Variants in SLC28A3 observed in about 807,000 individuals in gnomAD.
SLC28A3 encodes concentrative Na(+)-nucleoside cotransporter 3.
A neutral mutation model predicts 84.2 loss-of-function variants in SLC28A3; 68 were observed. The ratio of observed to expected loss-of-function variants is 0.81; its 90% confidence interval spans 0.66 to 0.99. The LOEUF is 0.99. Among genes scored for constraint, SLC28A3 ranks in the 50% least tolerant of loss-of-function variants. The pLI is 0.00. For missense variants in SLC28A3, 712 were observed against 841.5 expected, an observed-to-expected ratio of 0.85 and a Z score of 1.90; for synonymous variants, 267 against 303.6, an observed-to-expected ratio of 0.88 and a Z score of 1.25.
intron 12 of SLC28A3, 103 bp from the exon 13 acceptor site, chr9:84,286,214 T>G: frequency 8.9e-7 from 1 of 1,124,144 alleles, no homozygotes; most frequent in East Asian, 2.5e-5. Context: ...AGAGACAAAC[T>G]CTAAGGCCCC....
chr9:84,280,800 C>T lies in SLC28A3; in HGVS notation c.1729+1G>A, dbSNP rs747756033. The T allele has an allele frequency of 6.2e-7, 1 of 1,614,018 alleles. No individual in the cohort carries two copies. On this transcript the variant is annotated splice_donor_variant, in intron 15 of 17. Coordinates refer to ENST00000376238, the MANE Select transcript of SLC28A3 (RefSeq NM_001199633.2). LOFTEE classifies it high-confidence loss of function. ...TGTTGAAGAATGTTCTTTTCACTTA[C>T]TGAGTCCGCCGATCACGATTCCTAG...
chr9:84,366,921 G>T, the SLC28A3 span, among the ~76,000 whole-genome samples: 127 of 152,270 alleles, frequency 8.3e-4, no homozygotes, highest in African/African-American at 2.9e-3. Context: ...AGGCCCTGGG[G>T]CTCTACAGTC....
chr9:84,358,598 T>C, the SLC28A3 span, among the ~76,000 whole-genome samples: 49 of 152,336 alleles, frequency 3.2e-4, no homozygotes, highest in African/African-American at 1.1e-3. Context: ...GCATTTACTA[T>C]AGACTTAATT....
intron 3 of SLC28A3, among the ~76,000 whole-genome samples, chr9:84,306,744 C>T (rs1266892348): frequency 3.3e-5 from 5 of 152,008 alleles, no homozygotes; most frequent in African/African-American, 9.7e-5. Context: ...GTTCAACAGA[C>T]ATGTATTGAT....
the SLC28A3 span, among the ~76,000 whole-genome samples, chr9:84,360,089 C>G: frequency 1.3e-5 from 2 of 151,196 alleles, no homozygotes; most frequent in African/African-American, 2.4e-5. Context: ...TGGGAAGGAA[C>G]CTTGAACCTG....
intron 1 of SLC28A3, among the ~76,000 whole-genome samples, chr9:84,334,724 C>A (rs961035703): frequency 6.6e-6 from 1 of 151,684 alleles, no homozygotes; most frequent in Non-Finnish European, 1.5e-5. Flanking sequence ...CACCACTGCA[C>A]CAGAAGAGCG....
intron 2 of SLC28A3, among the ~76,000 whole-genome samples, chr9:84,311,334 TAG>T (rs1825980283): frequency 6.6e-6 from 1 of 152,152 alleles, no homozygotes; most frequent in African/African-American, 2.4e-5. Flanking sequence ...GCTGAAACTA[TAG>T]AGATTTTTCA....
the SLC28A3 span, among the ~76,000 whole-genome samples, chr9:84,357,669 A>C: frequency 2.6e-5 from 4 of 152,028 alleles, no homozygotes; most frequent in Non-Finnish European, 4.4e-5. Context: ...CCTCCTCAAA[A>C]GGGTTGTCCT....
chr9:84,358,699 C>A, the SLC28A3 span, among the ~76,000 whole-genome samples: 8 of 152,308 alleles, frequency 5.3e-5, no homozygotes, highest in African/African-American at 1.4e-4. Context: ...TATACAAGTT[C>A]ACCCTCACTG....
At chr9:84,292,613 G>T in intron 10 of SLC28A3, 55 bp downstream of exon 10, 1 of 1,421,456 alleles carries the variant, frequency 7.0e-7, no homozygotes, top group South Asian at 1.2e-5. Context: ...TTGGCTTTTT[G>T]GAAAGAGACG....
At chr9:84,293,845 A>T (rs961946323) in intron 9 of SLC28A3, among the ~76,000 whole-genome samples, 2 of 152,226 alleles carry the variant, frequency 1.3e-5, no homozygotes, top group Non-Finnish European at 2.9e-5. Context: ...GAGTAGCTTA[A>T]AAAAGAAAAA....
chr9:84,331,864 T>G (rs1421329684), intron 1 of SLC28A3, among the ~76,000 whole-genome samples: 1 of 152,220 alleles, frequency 6.6e-6, no homozygotes, highest in Non-Finnish European at 1.5e-5. Flanking sequence ...CCATCTCCTC[T>G]GAGTTTGGAA....
intron 2 of SLC28A3, among the ~76,000 whole-genome samples, chr9:84,311,695 C>A (rs1404772484): frequency 1.3e-5 from 2 of 149,082 alleles, no homozygotes; most frequent in Non-Finnish European, 1.5e-5. Context: ...ACTAAAAATA[C>A]AAAAAAAAAA....
the SLC28A3 span, among the ~76,000 whole-genome samples, chr9:84,352,630 A>G: frequency 6.6e-6 from 1 of 151,712 alleles, no homozygotes; most frequent in Non-Finnish European, 1.5e-5. Flanking sequence ...GACACCTGTA[A>G]TCCCAGCACT....
intron 9 of SLC28A3, among the ~76,000 whole-genome samples, chr9:84,293,685 T>G (rs1825316833): frequency 6.6e-6 from 1 of 152,106 alleles, no homozygotes; most frequent in Non-Finnish European, 1.5e-5. Flanking sequence ...TGTGTGTGTA[T>G]GTGTGTGTGT....
At chr9:84,285,864 G>A in intron 13 of SLC28A3, 79 bp downstream of exon 13, 1 of 1,461,210 alleles carries the variant, frequency 6.8e-7, no homozygotes. Context: ...GTTAGGGTGG[G>A]CTGTTTACAA....
intron 8 of SLC28A3, 89 bp downstream of exon 8, chr9:84,297,132 T>G: frequency 9.3e-7 from 1 of 1,069,592 alleles, no homozygotes; most frequent in South Asian, 1.5e-5. Flanking sequence ...TATACCTGGT[T>G]TTTGGTCAGT....
the SLC28A3 span, among the ~76,000 whole-genome samples, chr9:84,350,987 A>G: frequency 6.6e-6 from 1 of 152,320 alleles, no homozygotes; most frequent in East Asian, 1.9e-4. Flanking sequence ...GATTACAGGC[A>G]TGAGCAACGG....
intron 4 of SLC28A3, among the ~76,000 whole-genome samples, chr9:84,303,828 T>A (rs977229955): frequency 3.9e-5 from 6 of 152,226 alleles, no homozygotes; most frequent in Admixed American, 3.9e-4. Context: ...ACATGCTCCA[T>A]AAAGAGGCAC....
Sources: allele counts gnomAD v4.1 joint callset (sites outside exome capture counted in the v4.1 genomes callset), GRCh38; gene constraint gnomAD v4.1.1; transcripts MANE v1.5; gene names NCBI Gene and HGNC (gene_info 2026-07-23, HGNC 2026-07-21).